Variants in SUGCT observed in about 807,000 individuals in gnomAD.
The protein encoded by SUGCT is succinyl-CoA:glutarate-CoA transferase.
Under a neutral mutation model 55.0 loss-of-function variants are expected in SUGCT, and 41 were observed. The ratio of observed to expected loss-of-function variants is 0.74; its 90% CI spans 0.58 to 0.97. The LOEUF (loss-of-function observed/expected upper bound fraction) is 0.97, where lower values mean the gene tolerates loss of function less well. Ranked by LOEUF, SUGCT falls within the 50% of genes least tolerant of loss-of-function variation. The pLI is 0.00. For synonymous variants in SUGCT, 187 were observed against 200.4 expected (o/e 0.93, Z 0.56); for missense variants, 568 against 547.8 (o/e 1.04, Z -0.37).
chr7:40,418,566 C>T (rs1273771763), intron 9 of SUGCT, among the ~76,000 whole-genome samples: 1 of 152,168 alleles, frequency 6.6e-6, no homozygotes, highest in East Asian at 1.9e-4. Context: ...CACAGGCTAA[C>T]TGGCTGGCCT....
At chr7:40,339,181 C>T (rs1325551422) in intron 9 of SUGCT, among the ~76,000 whole-genome samples, 1 of 152,162 alleles carries the variant, frequency 6.6e-6, no homozygotes, top group Non-Finnish European at 1.5e-5. Context: ...CCCAGTTAGG[C>T]TACTCAGGGA....
chr7:40,435,248 A>G (rs908502403), intron 9 of SUGCT, among the ~76,000 whole-genome samples: 7 of 152,202 alleles, frequency 4.6e-5, no homozygotes, highest in Non-Finnish European at 7.3e-5. Flanking sequence ...TGTTCCAACT[A>G]TAGGACATAC....
chr7:40,234,724 C>T (rs1237777725), intron 6 of SUGCT, among the ~76,000 whole-genome samples: 1 of 151,888 alleles, frequency 6.6e-6, no homozygotes, highest in African/African-American at 2.4e-5. Flanking sequence ...GCCTGGGCAA[C>T]ATAGTGAAAT....
At chr7:40,835,351 TTTTG>T (rs554973338) in intron 13 of SUGCT, among the ~76,000 whole-genome samples, 11 of 152,320 alleles carry the variant, frequency 7.2e-5, no homozygotes, top group African/African-American at 2.6e-4. Flanking sequence ...GTGGACTGTT[TTTTG>T]TTTGTTTTAG....
At chr7:40,257,318 C>A (rs536999865) in intron 7 of SUGCT, among the ~76,000 whole-genome samples, 1 of 152,156 alleles carries the variant, frequency 6.6e-6, no homozygotes, top group Non-Finnish European at 1.5e-5. Context: ...TTGTCAATAT[C>A]ATTTTGAGCT....
intron 9 of SUGCT, among the ~76,000 whole-genome samples, chr7:40,397,460 G>T (rs945454000): frequency 6.6e-6 from 1 of 152,056 alleles, no homozygotes; most frequent in Non-Finnish European, 1.5e-5. Context: ...TTGTGACTTC[G>T]ACTTCTGGAC....
the SUGCT span, among the ~76,000 whole-genome samples, chr7:41,024,649 C>T: frequency 1.3e-4 from 17 of 131,372 alleles, no homozygotes; most frequent in East Asian, 3.9e-3. Context: ...CTCTTCACAC[C>T]CAACAATTTG....
chr7:40,575,593 G>T (rs1796696300), intron 12 of SUGCT, among the ~76,000 whole-genome samples: 2 of 149,824 alleles, frequency 1.3e-5, no homozygotes, highest in Admixed American at 1.3e-4. Flanking sequence ...GTATTTAAAT[G>T]GGAAAAAAAA....
chr7:40,350,729 T>A (rs192038789), intron 9 of SUGCT, among the ~76,000 whole-genome samples: 156 of 152,066 alleles, frequency 1.0e-3, no homozygotes, highest in African/African-American at 3.5e-3. Context: ...GCCGTGGTGG[T>A]TTGCTGCACC....
At chr7:40,878,763 A>G in the SUGCT span, among the ~76,000 whole-genome samples, 1 of 150,846 alleles carries the variant, frequency 6.6e-6, no homozygotes, top group Non-Finnish European at 1.5e-5. Flanking sequence ...TCCACCACAC[A>G]TGCACATACT....
Position 40,431,587 on chromosome 7 carries a change from T to G in SUGCT, c.817-17700T>G, listed in dbSNP as rs570061905. ...ATCCATGAGCATAGGCTATATTTTC[T>G]TTTATTCTGTTTTCAGTTTCTTTAA... On this transcript the variant is annotated intron_variant, in intron 9 of 13. Coordinates refer to ENST00000335693, the MANE Select transcript of SUGCT (RefSeq NM_001193313.2). Among the ~76,000 whole-genome samples, 21 of 152,318 alleles carry G rather than the reference T, an allele frequency of 1.4e-4. No homozygotes were observed. The South Asian group carries it at 3.5e-3, about 26-fold the overall frequency.
At chr7:40,486,861 G>A (rs1295108907) in intron 11 of SUGCT, among the ~76,000 whole-genome samples, 1 of 150,394 alleles carries the variant, frequency 6.6e-6, no homozygotes, top group African/African-American at 2.4e-5. Flanking sequence ...TGTACTATAA[G>A]CAAATTCTAC....
At chr7:40,249,573 T>G (rs1790216188) in intron 7 of SUGCT, among the ~76,000 whole-genome samples, 1 of 151,532 alleles carries the variant, frequency 6.6e-6, no homozygotes, top group Non-Finnish European at 1.5e-5. Flanking sequence ...AATAACATAT[T>G]TCCTTGATTT....
At chr7:40,613,642 G>A (rs1039603897) in intron 12 of SUGCT, among the ~76,000 whole-genome samples, 3 of 148,812 alleles carry the variant, frequency 2.0e-5, no homozygotes, top group Non-Finnish European at 4.4e-5. Flanking sequence ...ATGGAGTCTC[G>A]TTCTGTCACC....
At chr7:40,424,529 CT>C (rs1413663901) in intron 9 of SUGCT, among the ~76,000 whole-genome samples, 1 of 152,122 alleles carries the variant, frequency 6.6e-6, no homozygotes, top group Admixed American at 6.6e-5. Context: ...GAGCATTAAT[CT>C]TTTTAAGCTG....
chr7:40,369,849 A>C (rs895787925), intron 9 of SUGCT, among the ~76,000 whole-genome samples: 4 of 152,262 alleles, frequency 2.6e-5, no homozygotes, highest in Admixed American at 2.6e-4. Flanking sequence ...TTGATAGGTC[A>C]TGGAAAGGAG....
intron 9 of SUGCT, among the ~76,000 whole-genome samples, chr7:40,358,283 T>C (rs73688061): frequency 0.012 from 1,885 of 152,318 alleles, 35 homozygotes; most frequent in African/African-American, 0.041. Flanking sequence ...GGAATCATTA[T>C]GGCCAGGTTA....
intron 6 of SUGCT, among the ~76,000 whole-genome samples, chr7:40,222,933 T>C (rs1307673054): frequency 6.6e-6 from 1 of 152,164 alleles, no homozygotes; most frequent in Non-Finnish European, 1.5e-5. Flanking sequence ...TGGCCAGCAC[T>C]TTCTTAATTT....
At chr7:40,761,553 C>T (rs911458495) in intron 13 of SUGCT, among the ~76,000 whole-genome samples, 2 of 152,194 alleles carry the variant, frequency 1.3e-5, no homozygotes, top group Non-Finnish European at 2.9e-5. Context: ...CTGCATTAGG[C>T]AAAGGTCAGT....
Sources: gnomAD v4.1 joint callset for allele counts (sites outside exome capture counted in the v4.1 genomes callset) on GRCh38, gnomAD v4.1.1 for gene constraint, MANE v1.5 for transcripts, NCBI Gene and HGNC (gene_info 2026-07-23, HGNC 2026-07-21) for gene names.